Variants in SLC25A20 observed in about 807,000 individuals in gnomAD.
The protein encoded by SLC25A20 is solute carrier family 25 member 20.
In SLC25A20, 29 loss-of-function variants were observed where a neutral mutation model predicts 39.7. The ratio of observed to expected loss-of-function variants is 0.73; its 90% CI spans 0.54 to 1.00. The LOEUF (loss-of-function observed/expected upper bound fraction) is 1.00, where lower values mean the gene tolerates loss of function less well. Ranked by LOEUF, SLC25A20 falls within the 50% of genes least tolerant of loss-of-function variation. The probability of loss-of-function intolerance (pLI) is 0.00; values close to 1 mark genes in which losing one functional copy is unlikely to be tolerated. For synonymous variants in SLC25A20, 103 were observed against 142.2 expected (o/e 0.72, Z 1.96); for missense variants, 333 against 379.9 (o/e 0.88, Z 1.03).
Position 48,857,316 on chromosome 3 carries a change from G to T in SLC25A20, c.*394C>A. On this transcript the variant is annotated 3_prime_UTR_variant, in exon 9 of 9. Coordinates refer to ENST00000319017, the MANE Select transcript of SLC25A20 (RefSeq NM_000387.6). The stretch of plus-strand genomic sequence containing the variant: ...GGACTGAAGAAGATCTCAGCTCCTG[G>T]TGATCTGGTTGAAAATATGCACAGT... The T allele has an allele frequency of 3.7e-6, 1 of 267,512 alleles. No individual in the cohort carries two copies. Among genetic ancestry groups the T allele is most frequent in the Non-Finnish European group, 7.4e-6 (1 of 135,560 alleles). 16.6% of individuals were successfully genotyped at this position (267,512 alleles called of 1,614,324 possible).
At chr3:48,858,720 G>A in intron 7 of SLC25A20, 89 bp from the exon 8 acceptor site, 2 of 1,544,214 alleles carry the variant, frequency 1.3e-6, no homozygotes, top group Non-Finnish European at 1.8e-6. Context: ...CACAGGGAAA[G>A]GACACCTTGC....
chr3:48,881,425 CA>C (rs1209150801), intron 3 of SLC25A20, among the ~76,000 whole-genome samples: 1 of 152,166 alleles, frequency 6.6e-6, no homozygotes, highest in Non-Finnish European at 1.5e-5. Context: ...TGTGTGTGCA[CA>C]GGGTGTCATG....
At chr3:48,892,815 A>G (rs1442798280) in intron 1 of SLC25A20, among the ~76,000 whole-genome samples, 1 of 152,074 alleles carries the variant, frequency 6.6e-6, no homozygotes, top group East Asian at 1.9e-4. Context: ...ATACCTAGGT[A>G]CTCTGTGGCC....
intron 7 of SLC25A20, 92 bp downstream of exon 7, chr3:48,859,000 G>A: frequency 1.0e-6 from 1 of 967,888 alleles, no homozygotes; most frequent in Non-Finnish European, 1.6e-6. Flanking sequence ...TGGAGAGTGA[G>A]TATCCCTAGG....
In SLC25A20 at chr3:48,863,906, T is replaced by A. The variant is rs533013706; in HGVS notation, c.418-1247A>T. ...GGTACATGCCTGTAATCTCAGCTAC[T>A]CAGGAGGCTGAGGCAGGAGAATCGC... On this transcript the variant is annotated intron_variant, in intron 4 of 8. Transcript: ENST00000319017. Among the ~76,000 whole-genome samples, 1,196 of 151,862 alleles carry A rather than the reference T, an allele frequency of 7.9e-3. 5 individuals carry two copies. The highest frequency in any genetic ancestry group is 0.013 in the Non-Finnish European group (872 of 67,950).
intron 4 of SLC25A20, among the ~76,000 whole-genome samples, chr3:48,865,041 G>C (rs1472044371): frequency 1.3e-5 from 2 of 152,126 alleles, no homozygotes; most frequent in Non-Finnish European, 2.9e-5. Context: ...GCTCAGTTTT[G>C]TACATGATGA....
At chr3:48,892,416 C>T (rs1177069576) in intron 1 of SLC25A20, among the ~76,000 whole-genome samples, 1 of 151,992 alleles carries the variant, frequency 6.6e-6, no homozygotes, top group Non-Finnish European at 1.5e-5. Flanking sequence ...TTTCAGTTCT[C>T]TTCGGTATTG....
chr3:48,897,870 C>A (rs999092538), intron 1 of SLC25A20, among the ~76,000 whole-genome samples: 4 of 152,166 alleles, frequency 2.6e-5, no homozygotes, highest in Non-Finnish European at 4.4e-5. Context: ...AGTGAGAAAA[C>A]TGGATGCAGC....
At chr3:48,895,104 G>T (rs187443482) in intron 1 of SLC25A20, among the ~76,000 whole-genome samples, 1 of 152,218 alleles carries the variant, frequency 6.6e-6, no homozygotes, top group Non-Finnish European at 1.5e-5. Context: ...TGCCTCCTGG[G>T]TTCAAGCGAT....
Position 48,898,688 on chromosome 3 carries a change from A to C in SLC25A20, c.105+2T>G. 1.9e-6 allele frequency: 3 copies of C among 1,599,718 alleles called. No homozygotes were observed. Among genetic ancestry groups the C allele is most frequent in the Non-Finnish European group, 2.6e-6 (3 of 1,174,006 alleles). On this transcript the variant is annotated splice_donor_variant, in intron 1 of 8. Coordinates refer to ENST00000319017, the MANE Select transcript of SLC25A20 (RefSeq NM_000387.6). LOFTEE classifies it high-confidence loss of function. ...CAAAGCCTGCGACCCAGCCTCCCGC[A>C]CCTTGACCGTGTCCAGAGGGTGACC... is the stretch of plus-strand genomic sequence containing the variant.
At position 48,864,347 on chromosome 3, in the gene SLC25A20, C is replaced by CAAAAAAAAAAAAAAAAAA; in HGVS notation, c.418-1706_418-1689dup. On this transcript the variant is annotated intron_variant, in intron 4 of 8. Coordinates refer to ENST00000319017, the MANE Select transcript of SLC25A20 (RefSeq NM_000387.6). ...TGGGTGACAGAGTAAGACTCTGTCT[C>CAAAAAAAAAAAAAAAAAA]AAAAAAAAAAAAAAAAAAAAAAAAA... Among the ~76,000 whole-genome samples the CAAAAAAAAAAAAAAAAAA allele has an allele frequency of 4.2e-5, 2 of 48,060 alleles. 1 individual carries two copies. The highest frequency in any genetic ancestry group is 7.0e-5 in the Non-Finnish European group (2 of 28,766). 31.5% of individuals were successfully genotyped at this position (48,060 alleles called of 152,430 possible).
At chr3:48,875,473 G>A (rs1363686294) in intron 4 of SLC25A20, among the ~76,000 whole-genome samples, 2 of 151,758 alleles carry the variant, frequency 1.3e-5, no homozygotes, top group Admixed American at 6.6e-5. Context: ...GCAGTGGCAC[G>A]ATCTTGGCTC....
intron 2 of SLC25A20, among the ~76,000 whole-genome samples, chr3:48,889,131 T>G (rs916863532): frequency 3.3e-5 from 5 of 151,776 alleles, no homozygotes; most frequent in Non-Finnish European, 7.4e-5. Flanking sequence ...AAGGAAAAGA[T>G]CTCAATGAGG....
chr3:48,884,885 T>G, intron 2 of SLC25A20, among the ~76,000 whole-genome samples: 1 of 138,268 alleles, frequency 7.2e-6, no homozygotes, highest in South Asian at 2.3e-4. Flanking sequence ...TGAGAAGAGA[T>G]TATTAAGTAA....
intron 4 of SLC25A20, among the ~76,000 whole-genome samples, chr3:48,873,273 A>G (rs1372649935): frequency 6.6e-6 from 1 of 151,632 alleles, no homozygotes; most frequent in Non-Finnish European, 1.5e-5. Flanking sequence ...TAGTCCTACC[A>G]CTTTGGGAGG....
At chr3:48,870,919 C>T (rs1410651241) in intron 4 of SLC25A20, among the ~76,000 whole-genome samples, 2 of 151,182 alleles carry the variant, frequency 1.3e-5, no homozygotes, top group African/African-American at 2.4e-5. Context: ...CTCCACCTCC[C>T]GGGTTAAGTG....
intron 1 of SLC25A20, among the ~76,000 whole-genome samples, chr3:48,898,189 GAA>G (rs1175015246): frequency 6.6e-6 from 1 of 152,202 alleles, no homozygotes; most frequent in Non-Finnish European, 1.5e-5. Context: ...GTGACAGGCC[GAA>G]GAGTGTCAAG....
chr3:48,883,618 CT>C (rs761695690), intron 3 of SLC25A20, among the ~76,000 whole-genome samples: 1,357 of 97,362 alleles, frequency 0.014, 6 homozygotes, highest in Non-Finnish European at 0.021. Flanking sequence ...CACCAAGGTC[CT>C]TTTTTTTTTT....
intron 2 of SLC25A20, among the ~76,000 whole-genome samples, chr3:48,889,566 G>A (rs138467572): frequency 3.4e-3 from 507 of 151,224 alleles, no homozygotes; most frequent in African/African-American, 0.011. Context: ...TCCAGATGCA[G>A]GTGTACATTT....
Sources: gnomAD v4.1 joint callset for allele counts (sites outside exome capture counted in the v4.1 genomes callset) on GRCh38, gnomAD v4.1.1 for gene constraint, MANE v1.5 for transcripts, NCBI Gene and HGNC (gene_info 2026-07-23, HGNC 2026-07-21) for gene names.